MBOAT2: variants seen among roughly 807,000 people sequenced by gnomAD.
MBOAT2 encodes the protein membrane bound glycerophospholipid O-acyltransferase 2, also known as membrane-bound glycerophospholipid O-acyltransferase 2.
A neutral mutation model predicts 63.4 loss-of-function variants in MBOAT2; 28 were observed. The observed-to-expected ratio is 0.44, with a 90% CI of 0.33 to 0.61. The LOEUF is 0.61. Ranked by LOEUF, MBOAT2 falls within the 20% of genes least tolerant of loss-of-function variation. The pLI, the probability that MBOAT2 is intolerant of heterozygous loss-of-function variation, is 0.03. For missense variants in MBOAT2, 470 were observed against 605.8 expected, an observed-to-expected ratio of 0.78 and a Z score of 2.35; for synonymous variants, 211 against 215.6, an observed-to-expected ratio of 0.98 and a Z score of 0.19.
chr2:8,969,807 CAAG>C (rs1341323857), intron 1 of MBOAT2, among the ~76,000 whole-genome samples: 3 of 152,178 alleles, frequency 2.0e-5, no homozygotes, highest in Non-Finnish European at 4.4e-5. Flanking sequence ...ATCAATTCAA[CAAG>C]AAGAGCTAAC....
chr2:8,884,818 G>A (rs1406523870), intron 5 of MBOAT2, among the ~76,000 whole-genome samples: 1 of 152,174 alleles, frequency 6.6e-6, no homozygotes, highest in Non-Finnish European at 1.5e-5. Flanking sequence ...AAGTCTACAC[G>A]CACAACAAAC....
At chr2:8,894,540 C>T (rs962619845) in intron 4 of MBOAT2, among the ~76,000 whole-genome samples, 7 of 152,208 alleles carry the variant, frequency 4.6e-5, no homozygotes, top group Non-Finnish European at 8.8e-5. Context: ...CCTTCCATGA[C>T]TCATTTCAGA....
At chr2:8,996,937 A>C (rs757142283) in intron 1 of MBOAT2, among the ~76,000 whole-genome samples, 3 of 152,210 alleles carry the variant, frequency 2.0e-5, no homozygotes, top group Non-Finnish European at 4.4e-5. Context: ...ATCAGATGGG[A>C]TTCAGAAAAA....
chr2:8,858,461 T>C lies in MBOAT2; in HGVS notation c.*218A>G, dbSNP rs1661257606. 3 of 484,588 alleles carry C rather than the reference T, an allele frequency of 6.2e-6. No homozygotes were observed. In the Admixed American group the frequency reaches 1.1e-4, roughly 18 times the overall value. The allele number at this position is 484,588 out of a possible 1,614,324, so 30.0% of individuals were successfully genotyped here. On this transcript the variant is annotated 3_prime_UTR_variant, in exon 13 of 13. Coordinates refer to ENST00000305997, the MANE Select transcript of MBOAT2 (RefSeq NM_138799.4). Reference sequence around the variant, plus strand: ...GAGGTTGGGAGTGCCCACTGAAATATGGAAATATTCTTACATAAGGCGTGG... The same window carrying C: ...GAGGTTGGGAGTGCCCACTGAAATACGGAAATATTCTTACATAAGGCGTGG...
At chr2:8,882,703 T>C in intron 5 of MBOAT2, 138 bp from the exon 6 acceptor site, 1 of 764,856 alleles carries the variant, frequency 1.3e-6, no homozygotes, top group South Asian at 1.7e-5. Flanking sequence ...ACTGTTCCTT[T>C]CCTTCTCATG....
chr2:8,929,764 G>T (rs1270344281), intron 3 of MBOAT2, among the ~76,000 whole-genome samples: 1 of 152,144 alleles, frequency 6.6e-6, no homozygotes, highest in Non-Finnish European at 1.5e-5. Flanking sequence ...TGGGTCAAAT[G>T]GTTATTTGAG....
At chr2:8,961,962 T>C (rs1212070918) in intron 1 of MBOAT2, among the ~76,000 whole-genome samples, 1 of 152,066 alleles carries the variant, frequency 6.6e-6, no homozygotes, top group Non-Finnish European at 1.5e-5. Flanking sequence ...CCAGCCTTCC[T>C]TCCTTCCCCC....
At chr2:8,908,126 A>G (rs989083429) in intron 4 of MBOAT2, 2 of 152,300 alleles carry the variant, frequency 1.3e-5, no homozygotes, top group Non-Finnish European at 2.9e-5. Flanking sequence ...AAAGATGGAA[A>G]GCAAGTTACT....
intron 12 of MBOAT2, among the ~76,000 whole-genome samples, chr2:8,859,241 T>A (rs558789495): frequency 5.3e-5 from 8 of 152,304 alleles, no homozygotes; most frequent in Admixed American, 4.6e-4. Context: ...CCAATCCAGA[T>A]AATCAAAAGT....
intron 1 of MBOAT2, among the ~76,000 whole-genome samples, chr2:8,988,014 A>G (rs1671681503): frequency 6.6e-6 from 1 of 152,258 alleles, no homozygotes; most frequent in African/African-American, 2.4e-5. Flanking sequence ...CTGAAAACAC[A>G]AATGAAATTA....
At chr2:8,890,382 T>G (rs1320707950) in intron 4 of MBOAT2, among the ~76,000 whole-genome samples, 2 of 152,176 alleles carry the variant, frequency 1.3e-5, no homozygotes, top group Admixed American at 6.5e-5. Flanking sequence ...TCATAGTTGT[T>G]TTTTTTATTA....
At chr2:8,984,116 A>G (rs1189716428) in intron 1 of MBOAT2, among the ~76,000 whole-genome samples, 2 of 152,198 alleles carry the variant, frequency 1.3e-5, no homozygotes, top group Non-Finnish European at 2.9e-5. Flanking sequence ...AACATAAATG[A>G]ACCTTGAAAA....
intron 9 of MBOAT2, among the ~76,000 whole-genome samples, chr2:8,865,123 C>A (rs1198877084): frequency 6.6e-6 from 1 of 152,190 alleles, no homozygotes; most frequent in African/African-American, 2.4e-5. Flanking sequence ...CACCTACAAT[C>A]CTGTTTTCCT....
At chr2:8,959,678 G>A (rs1669479681) in intron 1 of MBOAT2, among the ~76,000 whole-genome samples, 1 of 152,002 alleles carries the variant, frequency 6.6e-6, no homozygotes, top group Non-Finnish European at 1.5e-5. Context: ...GCTCAAGCTG[G>A]TCTTGAACTC....
At chr2:8,954,193 T>C (rs536796394) in intron 2 of MBOAT2, among the ~76,000 whole-genome samples, 1 of 152,212 alleles carries the variant, frequency 6.6e-6, no homozygotes, top group Admixed American at 6.5e-5. Context: ...TATAGCCCTA[T>C]ACACTTCTTT....
rs76258618 is a variant in MBOAT2 at position 8,957,923 on chromosome 2, G to A, written c.221+574C>T. ...CAGTATTTCTGTATTTAAGGCTCTCGGAGTATCCCTGAGGATTGAGAAAGA... is the reference window on the plus strand; with the variant it reads ...CAGTATTTCTGTATTTAAGGCTCTCAGAGTATCCCTGAGGATTGAGAAAGA... On this transcript the variant is annotated intron_variant, in intron 2 of 12. Coordinates refer to ENST00000305997, the MANE Select transcript of MBOAT2 (RefSeq NM_138799.4). Among the ~76,000 whole-genome samples the A allele has an allele frequency of 4.3e-3, 652 of 152,170 alleles. 17 individuals carry two copies. The highest frequency in any genetic ancestry group is 0.042 in the East Asian group (216 of 5,178).
chr2:8,907,415 G>A (rs1268473094), intron 4 of MBOAT2, among the ~76,000 whole-genome samples: 1 of 152,208 alleles, frequency 6.6e-6, no homozygotes, highest in Admixed American at 6.5e-5. Flanking sequence ...CTAAGTGACT[G>A]CAATTCTTTT....
chr2:8,966,774 C>G (rs1451082617), intron 1 of MBOAT2, among the ~76,000 whole-genome samples: 1 of 152,134 alleles, frequency 6.6e-6, no homozygotes, highest in Non-Finnish European at 1.5e-5. Context: ...ACGTGGTCAA[C>G]AAGTGCTTTA....
intron 3 of MBOAT2, among the ~76,000 whole-genome samples, chr2:8,936,288 G>C (rs1338599307): frequency 1.3e-5 from 2 of 152,256 alleles, no homozygotes; most frequent in East Asian, 3.9e-4. Context: ...AGGGTAAGGA[G>C]CCCATCTCCT....
Sources: allele counts gnomAD v4.1 joint callset (sites outside exome capture counted in the v4.1 genomes callset), GRCh38; gene constraint gnomAD v4.1.1; transcripts MANE v1.5; gene names NCBI Gene and HGNC (gene_info 2026-07-23, HGNC 2026-07-21).